Variants in TMEM237 observed in about 807,000 individuals in gnomAD.
The protein encoded by TMEM237 is amyotrophic lateral sclerosis 2 (juvenile) chromosome region, candidate 4.
In TMEM237, 51 loss-of-function variants were observed where a neutral mutation model predicts 59.1. The observed-to-expected ratio is 0.86, with a 90% CI of 0.69 to 1.09. The LOEUF (loss-of-function observed/expected upper bound fraction) is 1.09, where lower values mean the gene tolerates loss of function less well. Ranked by LOEUF, TMEM237 falls within the 50% of genes least tolerant of loss-of-function variation. The pLI, the probability that TMEM237 is intolerant of heterozygous loss-of-function variation, is 0.00. For missense variants in TMEM237, 475 were observed against 478.3 expected (o/e 0.99, Z 0.06); for synonymous variants, 140 against 166.1 (o/e 0.84, Z 1.21).
intron 6 of TMEM237, 105 bp downstream of exon 6, chr2:201,633,206 A>G: frequency 8.5e-7 from 1 of 1,174,392 alleles, no homozygotes; most frequent in Non-Finnish European, 1.1e-6. Context: ...AGGTACACAA[A>G]TACAAGTATG....
intron 12 of TMEM237, among the ~76,000 whole-genome samples, chr2:201,625,776 C>A (rs187881369): frequency 3.3e-5 from 5 of 152,200 alleles, no homozygotes; most frequent in African/African-American, 1.2e-4. Context: ...AGAAGAAATA[C>A]CTCCTGAAAA....
rs558851440 is a variant in TMEM237 at position 201,625,378 on chromosome 2, A to T, written c.1159+648T>A. On this transcript the variant is annotated intron_variant, in intron 12 of 12. Coordinates refer to ENST00000409883, the MANE Select transcript of TMEM237 (RefSeq NM_001044385.3). ...CTCCATCTCCAAAAATAAAAAATAA[A>T]AAAAAAAAGATATTCAAGGGTAAAA... 2.6e-3 allele frequency among the ~76,000 whole-genome samples: 400 copies of T among 152,178 alleles called. 2 individuals are homozygous for T. Among genetic ancestry groups the T allele is most frequent in the African/African-American group, 8.7e-3 (361 of 41,506 alleles).
At position 201,639,099 on chromosome 2, in the gene TMEM237, A is replaced by T. The variant is rs376064321; in HGVS notation, c.80-54T>A. On this transcript the variant is annotated intron_variant, in intron 3 of 12. Coordinates refer to ENST00000409883, the MANE Select transcript of TMEM237 (RefSeq NM_001044385.3). ...AAAGGGTGCCTAAAATTCAATGCAG[A>T]GAACAGTCAGAAGAGAACTTTTAAA... 2.1e-3 allele frequency: 3,020 copies of T among 1,472,252 alleles called. 7 individuals are homozygous for T. The highest frequency in any genetic ancestry group is 2.3e-3 in the Non-Finnish European group (2,525 of 1,076,992). 91.2% of individuals were successfully genotyped at this position (1,472,252 alleles called of 1,614,324 possible). A position where few individuals can be genotyped will look rare whatever the true frequency, so the allele number is the denominator to read the frequency against.
At chr2:201,640,191 A>G in intron 3 of TMEM237, 70 bp downstream of exon 3, 2 of 1,313,214 alleles carry the variant, frequency 1.5e-6, no homozygotes, top group African/African-American at 1.5e-5. Flanking sequence ...CTCAGTTTTA[A>G]GAGAAACAAA....
At chr2:201,636,718 T>C (rs1687302119) in intron 5 of TMEM237, 30 bp downstream of exon 5, 1 of 1,553,220 alleles carries the variant, frequency 6.4e-7, no homozygotes, top group East Asian at 2.4e-5. Flanking sequence ...ACAAGTGCTA[T>C]CACAACTTAA....
chr2:201,639,105 G>T, intron 3 of TMEM237, 60 bp from the exon 4 acceptor site: 1 of 1,448,732 alleles, frequency 6.9e-7, no homozygotes, highest in Non-Finnish European at 9.4e-7. Context: ...GCAGAGAACA[G>T]TCAGAAGAGA....
chr2:201,637,027 C>G, intron 4 of TMEM237, 142 bp from the exon 5 acceptor site: 1 of 802,568 alleles, frequency 1.2e-6, no homozygotes, highest in Non-Finnish European at 1.8e-6. Context: ...CCAAATCTTT[C>G]CTTCCTCCTC....
intron 12 of TMEM237, among the ~76,000 whole-genome samples, chr2:201,625,414 T>C (rs574163967): frequency 1.7e-4 from 26 of 151,394 alleles, no homozygotes; most frequent in African/African-American, 6.1e-4. Flanking sequence ...CTGTTGAACA[T>C]TGGCCAAGGA....
chr2:201,628,242 T>C (rs764808103), intron 9 of TMEM237, 93 bp from the exon 10 acceptor site: 3 of 795,402 alleles, frequency 3.8e-6, no homozygotes, highest in Non-Finnish European at 6.2e-6. Flanking sequence ...TCTAGTCTAA[T>C]GCTAGCACAT....
intron 1 of TMEM237, among the ~76,000 whole-genome samples, chr2:201,641,945 A>C (rs1471612073): frequency 6.6e-6 from 1 of 152,198 alleles, no homozygotes; most frequent in Non-Finnish European, 1.5e-5. Flanking sequence ...CAGATTAGTT[A>C]GGGCCTTGCA....
intron 5 of TMEM237, 198 bp downstream of exon 5, chr2:201,636,548 CAT>C (rs1420805968): frequency 5.2e-6 from 3 of 579,960 alleles, no homozygotes; most frequent in Non-Finnish European, 5.9e-6. Context: ...ATAATCTATA[CAT>C]ATATGATCAA....
chr2:201,642,321 A>G (rs536623197), intron 1 of TMEM237, among the ~76,000 whole-genome samples: 1 of 152,198 alleles, frequency 6.6e-6, no homozygotes, highest in African/African-American at 2.4e-5. Context: ...CGAACAGTAG[A>G]TTAATGCAAG....
At chr2:201,640,315 A>T (rs1687388726) in intron 2 of TMEM237, 50 bp from the exon 3 acceptor site, 6 of 1,508,678 alleles carry the variant, frequency 4.0e-6, no homozygotes, top group Non-Finnish European at 5.3e-6. Flanking sequence ...GACAAAGACA[A>T]AAAAGAAACA....
At chr2:201,642,887 C>G (rs1476429226) in intron 1 of TMEM237, 70 of 1,337,468 alleles carry the variant, frequency 5.2e-5, no homozygotes, top group Non-Finnish European at 6.6e-5. Context: ...GACCGTGGCG[C>G]TGCAATCACA....
intron 1 of TMEM237, among the ~76,000 whole-genome samples, 155 bp from the exon 2 acceptor site, chr2:201,641,079 T>C (rs2105904589): frequency 6.6e-6 from 1 of 151,944 alleles, no homozygotes; most frequent in Non-Finnish European, 1.5e-5. Context: ...GCAGCTTCCA[T>C]CTCCTGGGTT....
In TMEM237 at chr2:201,633,414, T is replaced by C. The variant is rs750961270; in HGVS notation, c.292A>G (p.Thr98Ala). 2 of 1,557,950 alleles carry C rather than the reference T, an allele frequency of 1.3e-6. No homozygotes were observed. The highest frequency in any genetic ancestry group is 1.7e-6 in the Non-Finnish European group (2 of 1,152,032). The change falls in exon 6 of 13, where the codon ACC (threonine) becomes GCC (alanine). Residue 98 changes from threonine (T) to alanine (A), a missense_variant. Transcript: ENST00000409883. ...RLPLELETSS[T>A]QKKSSSSSLL... ...GATGAACTAGATGACTTCTTTTGGG[T>C]GGAGGAAGTCTCCAATTCTGAAAAC...
rs1957712723 is a variant in TMEM237, at chr2:201,622,022, C to T, written c.*2233G>A. On this transcript the variant is annotated 3_prime_UTR_variant, in exon 13 of 13. Coordinates refer to ENST00000409883, the MANE Select transcript of TMEM237 (RefSeq NM_001044385.3). The stretch of plus-strand genomic sequence containing the variant: ...GGAAAACAGAGTCCTCTGTACAAGT[C>T]CTTAATCAGGGAATACTCAATGTTT... 1 of 152,150 alleles carries T rather than the reference C, an allele frequency of 6.6e-6. No homozygotes were observed. The highest frequency in any genetic ancestry group is 1.5e-5 in the Non-Finnish European group (1 of 68,034). 9.4% of individuals were successfully genotyped at this position (152,150 alleles called of 1,614,324 possible).
chr2:201,639,812 A>G (rs1464587077), intron 3 of TMEM237, among the ~76,000 whole-genome samples: 2 of 152,224 alleles, frequency 1.3e-5, no homozygotes, highest in African/African-American at 4.8e-5. Flanking sequence ...AAAGAAAAAA[A>G]AAAGTAGCCT....
At chr2:201,634,200 A>T (rs1057275535) in intron 5 of TMEM237, among the ~76,000 whole-genome samples, 2 of 152,198 alleles carry the variant, frequency 1.3e-5, no homozygotes, top group Middle Eastern at 3.2e-3. Flanking sequence ...CTGCTATATT[A>T]ACTCTTTTCT....
Sources: gnomAD v4.1 joint callset for allele counts (sites outside exome capture counted in the v4.1 genomes callset) on GRCh38, gnomAD v4.1.1 for gene constraint, MANE v1.5 for transcripts, NCBI Gene and HGNC (gene_info 2026-07-23, HGNC 2026-07-21) for gene names.